The following MORC1 variants were observed in gnomAD, a reference collection of about 807,000 sequenced individuals.
MORC1 encodes the protein MORC family CW-type zinc finger 1.
Under a neutral mutation model 134.9 loss-of-function variants are expected in MORC1, and 59 were observed. That is an observed-to-expected ratio of 0.44 (90% CI 0.35 to 0.54). The LOEUF is 0.54. Ranked by LOEUF, MORC1 falls within the 20% of genes least tolerant of loss-of-function variation. The pLI, the probability that MORC1 is intolerant of heterozygous loss-of-function variation, is 0.00. For synonymous variants in MORC1, 395 were observed against 391.7 expected, an observed-to-expected ratio of 1.01 and a Z score of -0.10; for missense variants, 947 against 1,134.5, an observed-to-expected ratio of 0.83 and a Z score of 2.37.
chr3:109,013,426 C>T (rs138709586), intron 17 of MORC1, among the ~76,000 whole-genome samples: 24 of 152,272 alleles, frequency 1.6e-4, no homozygotes, highest in East Asian at 1.5e-3. Context: ...AAAAATACTG[C>T]TTCTGCAAAT....
intron 14 of MORC1, among the ~76,000 whole-genome samples, chr3:109,036,567 T>C (rs895822357): frequency 2.0e-5 from 3 of 152,306 alleles, no homozygotes; most frequent in Admixed American, 6.5e-5. Flanking sequence ...TGATAACCAC[T>C]AACCATGGTA....
rs751632045 is a variant in MORC1, at chr3:109,063,166, T to G, written c.881A>C (p.Glu294Ala). The change falls in exon 10 of 28, where the codon GAA becomes GCA. Residue 294 changes from glutamate to alanine, a missense_variant. Physicochemically the swap from Glu to Ala is moderately radical, Grantham distance 107. Around this residue, in one of 3 missense-constraint regions of MORC1, gnomAD observed 722 missense variants for 817.0 expected, o/e 0.88. Coordinates refer to ENST00000232603, the MANE Select transcript of MORC1 (RefSeq NM_014429.4). ...AFKDEVKKAE[E>A]AVKIAESILK... ...TAATCGCATACCAATCTTTACTGCTTCTTCTGCCTTTTTAACTTCATCTTT... is the reference window on the plus strand; with the variant it reads ...TAATCGCATACCAATCTTTACTGCTGCTTCTGCCTTTTTAACTTCATCTTT... The G allele has an allele frequency of 3.8e-6, 6 of 1,599,434 alleles. No individual in the cohort carries two copies. The highest frequency in any genetic ancestry group is 2.7e-5 in the African/African-American group (2 of 74,742).
chr3:109,038,596 T>A (rs13081865), intron 14 of MORC1, among the ~76,000 whole-genome samples: 1 of 152,158 alleles, frequency 6.6e-6, no homozygotes, highest in African/African-American at 2.4e-5. Context: ...CTTTAATCCA[T>A]CTTGAGTTAA....
intron 21 of MORC1, among the ~76,000 whole-genome samples, chr3:108,994,560 A>G (rs1948147184): frequency 6.6e-6 from 1 of 152,186 alleles, no homozygotes; most frequent in Non-Finnish European, 1.5e-5. Flanking sequence ...TGAATAAACA[A>G]CAAACACCAA....
At chr3:108,984,822 C>A (rs377523915) in intron 22 of MORC1, 40 bp from the exon 23 acceptor site, 4 of 1,531,956 alleles carry the variant, frequency 2.6e-6, no homozygotes, top group Non-Finnish European at 3.6e-6. Context: ...TTTGGATGAT[C>A]ACACAATAAA....
chr3:109,085,214 G>T (rs1257309028), intron 8 of MORC1, among the ~76,000 whole-genome samples: 1 of 151,676 alleles, frequency 6.6e-6, no homozygotes, highest in African/African-American at 2.4e-5. Flanking sequence ...CTGTGTGTGT[G>T]TAAGAACTCA....
chr3:109,057,280 G>T, intron 13 of MORC1, 63 bp downstream of exon 13: 1 of 1,518,718 alleles, frequency 6.6e-7, no homozygotes, highest in Non-Finnish European at 8.9e-7. Context: ...TCACTCCACA[G>T]ACAGAATCTT....
In MORC1 at chr3:109,099,431, A is replaced by G; in HGVS notation, c.350T>C (p.Phe117Ser). Residue 117 changes from phenylalanine (F) to serine (S), a missense_variant, in exon 6 of 28, where the codon TTT becomes TCT. Phe to Ser is a radical substitution (Grantham distance 155). Around this residue, in one of 3 missense-constraint regions of MORC1, gnomAD observed 214 missense variants for 281.3 expected, o/e 0.76. Coordinates refer to ENST00000232603, the MANE Select transcript of MORC1 (RefSeq NM_014429.4). ...SMRIGKDFIL[F>S]TKKEETMTCV... is the part of the protein sequence containing the mutation. ...GGTCATCGTTTCTTCCTTCTTCGTAAAAAGAATAAAGTCTTTTCCAATTCT... is the reference window on the plus strand; with the variant it reads ...GGTCATCGTTTCTTCCTTCTTCGTAGAAAGAATAAAGTCTTTTCCAATTCT... 1 of 1,613,102 alleles carries G rather than the reference A, an allele frequency of 6.2e-7. No homozygotes were observed. The highest frequency in any genetic ancestry group is 1.1e-5 in the South Asian group (1 of 90,818).
chr3:109,090,004 G>A (rs898852636), intron 8 of MORC1, among the ~76,000 whole-genome samples: 6 of 152,022 alleles, frequency 3.9e-5, no homozygotes, highest in Non-Finnish European at 7.4e-5. Context: ...GGCACTCTCC[G>A]TAAGTCATAT....
intron 22 of MORC1, among the ~76,000 whole-genome samples, 162 bp downstream of exon 22, chr3:108,986,718 C>T (rs1947903652): frequency 6.6e-6 from 1 of 152,036 alleles, no homozygotes; most frequent in Admixed American, 6.6e-5. Flanking sequence ...TGGCAGCTCA[C>T]CCTCTCTCTA....
At chr3:109,079,120 G>A (rs1277530058) in intron 8 of MORC1, among the ~76,000 whole-genome samples, 1 of 151,974 alleles carries the variant, frequency 6.6e-6, no homozygotes, top group African/African-American at 2.4e-5. Flanking sequence ...CTCATTCTAT[G>A]AGGCTACCAT....
intron 3 of MORC1, 40 bp downstream of exon 3, chr3:109,110,709 C>T (rs755524236): frequency 2.0e-6 from 3 of 1,503,628 alleles, no homozygotes; most frequent in East Asian, 2.3e-5. Context: ...TACAGTCTTT[C>T]CATTAGAAGA....
At chr3:108,963,721 C>A in intron 26 of MORC1, 113 bp from the exon 27 acceptor site, 1 of 691,064 alleles carries the variant, frequency 1.4e-6, no homozygotes, top group Non-Finnish European at 2.3e-6. Context: ...GTGTCAACTT[C>A]GTAGGTGGTC....
chr3:108,975,351 C>G (rs986622543), intron 24 of MORC1, among the ~76,000 whole-genome samples: 3 of 152,146 alleles, frequency 2.0e-5, no homozygotes, highest in African/African-American at 7.2e-5. Context: ...CCTTTAACAA[C>G]TGGCAGAAAT....
At chr3:108,984,442 G>C (rs1347685733) in intron 23 of MORC1, among the ~76,000 whole-genome samples, 1 of 151,820 alleles carries the variant, frequency 6.6e-6, no homozygotes, top group East Asian at 1.9e-4. Context: ...TCAGTTCTTT[G>C]ACTACATTAA....
intron 8 of MORC1, among the ~76,000 whole-genome samples, chr3:109,072,401 G>A (rs1950338196): frequency 6.6e-6 from 1 of 152,116 alleles, no homozygotes; most frequent in African/African-American, 2.4e-5. Context: ...GAGAGATGAA[G>A]TGCTCTCCTT....
At chr3:109,023,899 T>A (rs1274021305) in intron 17 of MORC1, among the ~76,000 whole-genome samples, 1 of 152,108 alleles carries the variant, frequency 6.6e-6, no homozygotes, top group East Asian at 1.9e-4. Context: ...AAACAGCAGG[T>A]AATGTGGAAT....
intron 7 of MORC1, 41 bp downstream of exon 7, chr3:109,094,868 C>T: frequency 2.0e-6 from 3 of 1,514,024 alleles, no homozygotes; most frequent in Non-Finnish European, 2.6e-6. Flanking sequence ...ACACTGAAAA[C>T]AAATACTTCC....
chr3:109,009,112 T>C (rs1263136620), intron 17 of MORC1, among the ~76,000 whole-genome samples: 1 of 152,122 alleles, frequency 6.6e-6, no homozygotes, highest in African/African-American at 2.4e-5. Context: ...TTTTCAGACA[T>C]CTCTTGCTGG....
Sources: gnomAD v4.1 joint callset for allele counts (sites outside exome capture counted in the v4.1 genomes callset) on GRCh38, gnomAD v4.1.1 for gene constraint, gnomAD v4.1.1 regional missense constraint, MANE v1.5 for transcripts, NCBI Gene and HGNC (gene_info 2026-07-23, HGNC 2026-07-21) for gene names.